The following STK33 variants were observed in gnomAD, a reference collection of about 807,000 sequenced individuals.
STK33 encodes the protein serine/threonine-protein kinase 33.
In STK33, 52 loss-of-function variants were observed where a neutral mutation model predicts 58.0. The ratio of observed to expected loss-of-function variants is 0.90; its 90% CI spans 0.72 to 1.13. The LOEUF (loss-of-function observed/expected upper bound fraction) is 1.13, where lower values mean the gene tolerates loss of function less well. STK33 is among the 50% of genes most tolerant of loss of function. The pLI is 0.00. For synonymous variants in STK33, 215 were observed against 200.1 expected (o/e 1.07, Z -0.63); for missense variants, 630 against 604.2 (o/e 1.04, Z -0.45).
intron 15 of STK33, among the ~76,000 whole-genome samples, chr11:8,393,834 T>C (rs1032987639): frequency 1.3e-5 from 2 of 152,206 alleles, no homozygotes; most frequent in African/African-American, 4.8e-5. Context: ...AGTGAATCCA[T>C]GACTTTCCAG....
chr11:8,416,506 A>G (rs1157664137), intron 14 of STK33, among the ~76,000 whole-genome samples: 1 of 152,196 alleles, frequency 6.6e-6, no homozygotes, highest in African/African-American at 2.4e-5. Context: ...TGAAACAATC[A>G]TAACTTTTCA....
rs1231997832 is a variant in STK33 at position 8,594,227 on chromosome 11, G to C, written c.-610C>G. On this transcript the variant is annotated 5_prime_UTR_variant, in exon 1 of 16. Coordinates refer to ENST00000687296, the MANE Select transcript of STK33 (RefSeq NM_001352389.2). Reference sequence around the variant, plus strand: ...GACGGGGGCCGCGCGAGGACAAACAGCGGCGGCGGGTGCAAAGCCCCTTCT... The same window carrying C: ...GACGGGGGCCGCGCGAGGACAAACACCGGCGGCGGGTGCAAAGCCCCTTCT... 1 of 152,330 alleles carries C rather than the reference G, an allele frequency of 6.6e-6. No individual in the cohort carries two copies. Among genetic ancestry groups the C allele is most frequent in the Non-Finnish European group, 1.5e-5 (1 of 68,128 alleles). 9.4% of individuals were successfully genotyped at this position (152,330 alleles called of 1,614,324 possible).
At chr11:8,519,762 G>C (rs1452773981) in intron 1 of STK33, among the ~76,000 whole-genome samples, 2 of 152,016 alleles carry the variant, frequency 1.3e-5, no homozygotes, top group Non-Finnish European at 2.9e-5. Context: ...ATAAATTCCT[G>C]GACACATACA....
chr11:8,509,049 G>A (rs1247906098), intron 1 of STK33, among the ~76,000 whole-genome samples: 2 of 149,518 alleles, frequency 1.3e-5, no homozygotes, highest in Non-Finnish European at 3.0e-5. Context: ...CCAGGAGGCG[G>A]AGGTTTTGGT....
chr11:8,371,781 G>A, the STK33 span, among the ~76,000 whole-genome samples: 6 of 89,684 alleles, frequency 6.7e-5, no homozygotes, highest in South Asian at 1.3e-3. Flanking sequence ...CCATCCCTTC[G>A]TTCCTTTCTC....
At chr11:8,380,569 A>G in the STK33 span, among the ~76,000 whole-genome samples, 339 of 152,236 alleles carry the variant, frequency 2.2e-3, no homozygotes, top group Non-Finnish European at 2.0e-3. Flanking sequence ...TCAAAAAAAA[A>G]AAAAAAAATG....
At chr11:8,454,906 A>G (rs1946670424) in intron 9 of STK33, 74 bp from the exon 10 acceptor site, 1 of 1,350,676 alleles carries the variant, frequency 7.4e-7, no homozygotes, top group Non-Finnish European at 9.7e-7. Flanking sequence ...TAGATTAAAT[A>G]TATTTGACAA....
At chr11:8,355,188 T>G in the STK33 span, among the ~76,000 whole-genome samples, 1 of 152,182 alleles carries the variant, frequency 6.6e-6, no homozygotes, top group African/African-American at 2.4e-5. Flanking sequence ...GTCAGTACTC[T>G]GAGGCCTGGA....
intron 12 of STK33, among the ~76,000 whole-genome samples, chr11:8,438,204 T>A (rs530546932): frequency 6.6e-6 from 1 of 152,300 alleles, no homozygotes; most frequent in South Asian, 2.1e-4. Flanking sequence ...TAAAAATGTA[T>A]CTAATGGTTG....
chr11:8,418,085 A>T lies in STK33; in HGVS notation c.1147-4393T>A, dbSNP rs552217578. 2.3e-4 allele frequency among the ~76,000 whole-genome samples: 34 copies of T among 150,330 alleles called. No homozygotes were observed. The South Asian group carries it at 6.3e-3, about 28-fold the overall frequency. On this transcript the variant is annotated intron_variant, in intron 14 of 15. Coordinates refer to ENST00000687296, the MANE Select transcript of STK33 (RefSeq NM_001352389.2). ...GTTTGGGATATAATGCTGGCTTTTC[A>T]TTTTTTTTTTAATTTTTAACTTTTT...
chr11:8,507,191 G>A (rs1951926417), intron 1 of STK33, among the ~76,000 whole-genome samples: 1 of 152,084 alleles, frequency 6.6e-6, no homozygotes, highest in African/African-American at 2.4e-5. Context: ...CCTTGGTTGA[G>A]CAAAACTCCC....
chr11:8,435,715 T>A (rs1170389294), intron 13 of STK33, 136 bp from the exon 14 acceptor site: 1 of 475,724 alleles, frequency 2.1e-6, no homozygotes, highest in Non-Finnish European at 3.6e-6. Context: ...TCAGTATAAA[T>A]GCCTAATAAA....
chr11:8,508,692 G>A (rs2139374318), intron 1 of STK33, among the ~76,000 whole-genome samples: 1 of 152,222 alleles, frequency 6.6e-6, no homozygotes, highest in South Asian at 2.1e-4. Flanking sequence ...GACCAAACTG[G>A]TATTGAAAAA....
At chr11:8,408,437 A>T (rs1345200931) in intron 15 of STK33, among the ~76,000 whole-genome samples, 1 of 152,182 alleles carries the variant, frequency 6.6e-6, no homozygotes, top group Non-Finnish European at 1.5e-5. Flanking sequence ...GGTAAAACCT[A>T]AGCCTTATAC....
chr11:8,569,738 C>A (rs1957676211), intron 1 of STK33, among the ~76,000 whole-genome samples: 1 of 152,190 alleles, frequency 6.6e-6, no homozygotes, highest in Admixed American at 6.5e-5. Context: ...AGGCAGATCA[C>A]TTGAGCCCAG....
At chr11:8,571,540 T>C (rs1042381586) in intron 1 of STK33, among the ~76,000 whole-genome samples, 11 of 152,138 alleles carry the variant, frequency 7.2e-5, no homozygotes, top group African/African-American at 2.7e-4. Flanking sequence ...CACTTAAAAA[T>C]GGTTAAAATG....
downstream of STK33, among the ~76,000 whole-genome samples, chr11:8,388,197 G>C (rs1051318166): frequency 1.3e-5 from 2 of 152,166 alleles, no homozygotes; most frequent in African/African-American, 4.8e-5. Flanking sequence ...GAGTGCCATG[G>C]TGACACTGCA....
At chr11:8,451,091 C>T (rs779654394) in intron 11 of STK33, among the ~76,000 whole-genome samples, 52 of 152,032 alleles carry the variant, frequency 3.4e-4, no homozygotes, top group Non-Finnish European at 6.6e-4. Flanking sequence ...CAAGAGTTGT[C>T]GAAGATATGG....
chr11:8,338,037 G>A, the STK33 span, among the ~76,000 whole-genome samples: 3 of 152,120 alleles, frequency 2.0e-5, 1 homozygote, highest in Non-Finnish European at 4.4e-5. Context: ...GCTTGTGTTG[G>A]TTGTCTGTCT....
Sources: gnomAD v4.1 joint callset for allele counts (sites outside exome capture counted in the v4.1 genomes callset) on GRCh38, gnomAD v4.1.1 for gene constraint, MANE v1.5 for transcripts, NCBI Gene and HGNC (gene_info 2026-07-23, HGNC 2026-07-21) for gene names.